The following RBFOX1 variants were observed in gnomAD, a reference collection of about 807,000 sequenced individuals.
RBFOX1 encodes RNA binding protein fox-1 homolog 1.
RBFOX1 carries 8 observed loss-of-function variants against 57.7 expected under a neutral mutation model. The ratio of observed to expected loss-of-function variants is 0.14; its 90% CI spans 0.08 to 0.25. RBFOX1 has a LOEUF of 0.25. RBFOX1 is among the 10% of genes least tolerant of loss of function. RBFOX1 has a pLI of 1.00. For synonymous variants in RBFOX1, 326 were observed against 222.4 expected (o/e 1.47, Z -4.15); for missense variants, 611 against 548.5 (o/e 1.11, Z -1.14).
At chr16:5,808,743 A>T (rs1027348988) in intron 3 of RBFOX1, among the ~76,000 whole-genome samples, 1 of 152,230 alleles carries the variant, frequency 6.6e-6, no homozygotes, top group Admixed American at 6.5e-5. Context: ...TGTATAAGAA[A>T]GATTGTGATT....
chr16:5,461,942 T>C (rs1007103563), intron 1 of RBFOX1, among the ~76,000 whole-genome samples: 2 of 152,100 alleles, frequency 1.3e-5, no homozygotes, highest in Non-Finnish European at 2.9e-5. Context: ...ACAAAAAATA[T>C]ATAGCTAGAC....
chr16:5,255,657 C>T (rs1044273494), intron 1 of RBFOX1, among the ~76,000 whole-genome samples: 4 of 151,172 alleles, frequency 2.6e-5, no homozygotes, highest in Admixed American at 2.6e-4. Flanking sequence ...ACCATCCATT[C>T]ATTCGTCCAC....
chr16:5,312,225 C>A (rs895864384), intron 1 of RBFOX1, among the ~76,000 whole-genome samples: 1 of 152,270 alleles, frequency 6.6e-6, no homozygotes, highest in African/African-American at 2.4e-5. Flanking sequence ...AAGAGGGTCT[C>A]TGAAGCACAA....
chr16:5,330,970 A>T (rs953808137), intron 1 of RBFOX1, among the ~76,000 whole-genome samples: 1 of 88,110 alleles, frequency 1.1e-5, no homozygotes, highest in African/African-American at 3.0e-5. Flanking sequence ...ACAAATACCC[A>T]GGCTCTCTGG....
chr16:5,319,538 A>G (rs970963773), intron 1 of RBFOX1, among the ~76,000 whole-genome samples: 5 of 152,158 alleles, frequency 3.3e-5, no homozygotes, highest in Admixed American at 1.3e-4. Context: ...CTGAGCGCCA[A>G]TGTCAGTCTT....
At chr16:6,065,408 C>A (rs1186272122) in intron 1 of RBFOX1, among the ~76,000 whole-genome samples, 1 of 152,064 alleles carries the variant, frequency 6.6e-6, no homozygotes, top group Non-Finnish European at 1.5e-5. Flanking sequence ...AGTTTCAGTG[C>A]TATTGTGTGT....
At chr16:5,518,622 A>G (rs1385657833) in intron 2 of RBFOX1, among the ~76,000 whole-genome samples, 1 of 152,204 alleles carries the variant, frequency 6.6e-6, no homozygotes, top group Non-Finnish European at 1.5e-5. Flanking sequence ...GAAGTCCAGG[A>G]CCAGACCTGG....
At chr16:5,882,415 C>T (rs945189328) in intron 4 of RBFOX1, among the ~76,000 whole-genome samples, 1 of 152,082 alleles carries the variant, frequency 6.6e-6, no homozygotes, top group African/African-American at 2.4e-5. Flanking sequence ...ATTACTTTTG[C>T]CCCCCTCCCA....
intron 3 of RBFOX1, among the ~76,000 whole-genome samples, chr16:5,746,419 C>A (rs566915491): frequency 3.9e-5 from 6 of 152,100 alleles, no homozygotes; most frequent in Non-Finnish European, 5.9e-5. Flanking sequence ...CTTGGCAATG[C>A]GGGCTCTTTT....
intron 1 of RBFOX1, among the ~76,000 whole-genome samples, chr16:6,256,174 TATATATATATAC>T (rs1172220720): frequency 1.5e-4 from 2 of 13,374 alleles, no homozygotes; most frequent in African/African-American, 2.9e-4. Context: ...TATATATGTA[TATATATATATAC>T]GTATATATAT....
chr16:7,004,609 T>A (rs1364132113), intron 3 of RBFOX1, among the ~76,000 whole-genome samples: 1 of 152,232 alleles, frequency 6.6e-6, no homozygotes, highest in Non-Finnish European at 1.5e-5. Flanking sequence ...TGGCTTTAAT[T>A]TAGAACAGTT....
At chr16:5,420,984 TTCC>T (rs141254741) in intron 1 of RBFOX1, among the ~76,000 whole-genome samples, 32,313 of 127,280 alleles carry the variant, frequency 0.25, 5,771 homozygotes, top group African/African-American at 0.53. Flanking sequence ...CCTTCTTCCC[TTCC>T]TCCTCCTCCT....
intron 3 of RBFOX1, among the ~76,000 whole-genome samples, chr16:6,852,273 T>A (rs2094113593): frequency 2.0e-5 from 3 of 152,136 alleles, no homozygotes; most frequent in Admixed American, 2.0e-4. Flanking sequence ...GTTCTTGCTG[T>A]CTTCCGTTCT....
intron 3 of RBFOX1, among the ~76,000 whole-genome samples, chr16:6,782,363 G>T (rs2081177959): frequency 6.6e-6 from 1 of 152,040 alleles, no homozygotes; most frequent in Non-Finnish European, 1.5e-5. Flanking sequence ...AGTATGCTGT[G>T]TTTCTACTAA....
At chr16:5,309,333 A>T (rs905368920) in intron 1 of RBFOX1, among the ~76,000 whole-genome samples, 1 of 152,102 alleles carries the variant, frequency 6.6e-6, no homozygotes, top group Non-Finnish European at 1.5e-5. Context: ...ATATCTAGTC[A>T]TTGATAACAG....
At chr16:7,485,749 C>T (rs1047202434) in intron 4 of RBFOX1, among the ~76,000 whole-genome samples, 8 of 152,146 alleles carry the variant, frequency 5.3e-5, no homozygotes, top group African/African-American at 1.7e-4. Flanking sequence ...ATATGTATTT[C>T]CCAACTCTCT....
intron 3 of RBFOX1, among the ~76,000 whole-genome samples, chr16:5,853,363 G>A (rs2056944103): frequency 6.6e-6 from 1 of 152,192 alleles, no homozygotes; most frequent in Non-Finnish European, 1.5e-5. Flanking sequence ...AGAAAACAAA[G>A]CAAAGCTTTG....
At chr16:7,311,796 C>T (rs960286962) in intron 4 of RBFOX1, among the ~76,000 whole-genome samples, 26 of 152,152 alleles carry the variant, frequency 1.7e-4, no homozygotes, top group Middle Eastern at 3.2e-3. Flanking sequence ...TATCAGCCTT[C>T]CCAAAAGTAC....
At chr16:6,207,847 C>A (rs1036555219) in intron 1 of RBFOX1, among the ~76,000 whole-genome samples, 3 of 151,946 alleles carry the variant, frequency 2.0e-5, no homozygotes, top group African/African-American at 7.3e-5. Context: ...GGCACCACAT[C>A]CAGCTAATTA....
Sources: gnomAD v4.1 joint callset for allele counts (sites outside exome capture counted in the v4.1 genomes callset) on GRCh38, gnomAD v4.1.1 for gene constraint, MANE v1.5 for transcripts, NCBI Gene and HGNC (gene_info 2026-07-23, HGNC 2026-07-21) for gene names.